The following TBX19 variants were observed in gnomAD, a reference collection of about 807,000 sequenced individuals.
TBX19 encodes T-box transcription factor 19, also known as T-box transcription factor TBX19.
TBX19 carries 33 observed loss-of-function variants against 40.9 expected under a neutral mutation model. The ratio of observed to expected loss-of-function variants is 0.81; its 90% CI spans 0.61 to 1.08. The LOEUF is 1.08. TBX19 is among the 50% of genes least tolerant of loss of function. TBX19 has a pLI of 0.00. For missense variants in TBX19, 494 were observed against 574.0 expected, an observed-to-expected ratio of 0.86 and a Z score of 1.42; for synonymous variants, 220 against 225.0, an observed-to-expected ratio of 0.98 and a Z score of 0.20.
At position 168,312,910 on chromosome 1, in the gene TBX19, T is replaced by TC; in HGVS notation, c.1257dup (p.Thr420HisfsTer54). The stretch of plus-strand genomic sequence containing the variant: ...GCCCTCGCTAACCAGCATTGCTGTG[T>TC]CCACCTGGACAGCAGTGGCCTCGCA... On this transcript the variant is annotated frameshift_variant, in exon 8 of 8. Transcript: ENST00000367821. LOFTEE classifies it high-confidence loss of function. 1 of 1,614,238 alleles carries TC rather than the reference T, an allele frequency of 6.2e-7. No homozygotes were observed. Among genetic ancestry groups the TC allele is most frequent in the Non-Finnish European group, 8.5e-7 (1 of 1,180,036 alleles).
chr1:168,286,039 A>G (rs958243826), intron 1 of TBX19, among the ~76,000 whole-genome samples: 13 of 152,248 alleles, frequency 8.5e-5, no homozygotes, highest in Admixed American at 2.0e-4. Context: ...GTATTAAAAA[A>G]TGTATTAAAA....
At chr1:168,299,826 A>C (rs534768175) in intron 4 of TBX19, among the ~76,000 whole-genome samples, 1 of 152,338 alleles carries the variant, frequency 6.6e-6, no homozygotes, top group African/African-American at 2.4e-5. Context: ...TAACGTTTTC[A>C]GTTAACAAAA....
intron 1 of TBX19, among the ~76,000 whole-genome samples, chr1:168,290,221 C>G (rs578003455): frequency 6.6e-5 from 10 of 152,156 alleles, no homozygotes; most frequent in Non-Finnish European, 1.3e-4. Context: ...TGAAAATGCT[C>G]TAGACTTATA....
At chr1:168,305,470 C>T (rs565330178) in intron 6 of TBX19, among the ~76,000 whole-genome samples, 14 of 152,316 alleles carry the variant, frequency 9.2e-5, no homozygotes, top group African/African-American at 3.4e-4. Context: ...GGCCAGGACA[C>T]TGATATTCTG....
intron 2 of TBX19, among the ~76,000 whole-genome samples, chr1:168,292,799 GC>G (rs1648975495): frequency 6.7e-6 from 1 of 149,450 alleles, no homozygotes; most frequent in African/African-American, 2.5e-5. Context: ...GGGAGGCGGA[GC>G]TTGCAGTGAG....
intron 7 of TBX19, 92 bp from the exon 8 acceptor site, chr1:168,312,616 C>T: frequency 3.5e-6 from 5 of 1,440,966 alleles, no homozygotes; most frequent in South Asian, 1.1e-5. Flanking sequence ...GTAACCATGC[C>T]CTTCTCAGCA....
At position 168,311,265 on chromosome 1, in the gene TBX19, A is replaced by G. The variant is rs375122952; in HGVS notation, c.1053-1443A>G. ...AAGTCATCTGTAGTACTCAAAGACA[A>G]CTATAAGGCAGGTATTAAAATTCCT... On this transcript the variant is annotated intron_variant, in intron 7 of 7. Coordinates refer to ENST00000367821, the MANE Select transcript of TBX19 (RefSeq NM_005149.3). Among the ~76,000 whole-genome samples, 5 of 152,180 alleles carry G rather than the reference A, an allele frequency of 3.3e-5. No homozygotes were observed. In the East Asian group the frequency reaches 7.7e-4, roughly 23 times the overall value.
In TBX19 at chr1:168,312,710, C is replaced by G. The variant is rs772611069; in HGVS notation, c.1055C>G (p.Pro352Arg). The G allele has an allele frequency of 1.2e-6, 2 of 1,612,144 alleles. No homozygotes were observed. Among genetic ancestry groups the G allele is most frequent in the Admixed American group, 1.7e-5 (1 of 60,026 alleles). The change falls in exon 8 of 8, where the codon CCC (proline) becomes CGC (arginine). Residue 352 changes from proline to arginine, a missense_variant and splice_region_variant. Around this residue, in one of 3 missense-constraint regions of TBX19, gnomAD observed 284 missense variants for 307.3 expected, o/e 0.92. Transcript: ENST00000367821. ...TNGPINPGPS[P>R]YPCLWTISNG... ...CCCCTCTTTCTCTGTCTCTGCAGCCCCTACCCGTGCCTGTGGACCATCAGC... is the reference window on the plus strand; with the variant it reads ...CCCCTCTTTCTCTGTCTCTGCAGCCGCTACCCGTGCCTGTGGACCATCAGC...
chr1:168,300,968 G>A (rs141623752), intron 5 of TBX19, among the ~76,000 whole-genome samples: 2 of 152,284 alleles, frequency 1.3e-5, no homozygotes, highest in African/African-American at 2.4e-5. Flanking sequence ...TAATATAGCT[G>A]GGATTCTGAA....
intron 7 of TBX19, among the ~76,000 whole-genome samples, chr1:168,309,536 C>T (rs187426634): frequency 2.0e-5 from 3 of 152,212 alleles, no homozygotes; most frequent in Non-Finnish European, 4.4e-5. Context: ...GAAGTCAAGA[C>T]CCATGATTGT....
At position 168,291,035 on chromosome 1, in the gene TBX19, G is replaced by A. The variant is rs186950511; in HGVS notation, c.204-125G>A. 170 of 1,225,072 alleles carry A rather than the reference G, an allele frequency of 1.4e-4. No individual in the cohort carries two copies. The East Asian group carries it at 3.0e-3, about 22-fold the overall frequency. The allele number at this position is 1,225,072 out of a possible 1,614,324, so 75.9% of individuals were successfully genotyped here. A position where few individuals can be genotyped will look rare whatever the true frequency, so the allele number is the denominator to read the frequency against. ...CAGTAGAATTGGGGTTGTGGACTTG[G>A]GCCCTGTTTATTTGGCCTCCTCACA... On this transcript the variant is annotated intron_variant, in intron 1 of 7. Coordinates refer to ENST00000367821, the MANE Select transcript of TBX19 (RefSeq NM_005149.3).
chr1:168,306,701 G>A (rs898129685), intron 6 of TBX19, among the ~76,000 whole-genome samples: 7 of 145,862 alleles, frequency 4.8e-5, no homozygotes, highest in Non-Finnish European at 9.1e-5. Flanking sequence ...CGTAAATAAT[G>A]AATCCTAATG....
At position 168,309,473 on chromosome 1, in the gene TBX19, A is replaced by G. The variant is rs1303589367; in HGVS notation, c.1052+596A>G. On this transcript the variant is annotated intron_variant, in intron 7 of 7. Transcript: ENST00000367821. ...AATACTTTAAACTATGGTGGTAGCA[A>G]ATAGATACTGACTGTAGAGGAATTG... Among the ~76,000 whole-genome samples, 3 of 152,380 alleles carry G rather than the reference A, an allele frequency of 2.0e-5. No individual in the cohort carries two copies. In the East Asian group the frequency reaches 5.8e-4, roughly 29 times the overall value.
intron 2 of TBX19, among the ~76,000 whole-genome samples, chr1:168,291,702 C>G (rs1648948882): frequency 6.6e-6 from 1 of 152,110 alleles, no homozygotes; most frequent in African/African-American, 2.4e-5. Context: ...GTGTGCTGTG[C>G]TTTTTACCCA....
intron 1 of TBX19, among the ~76,000 whole-genome samples, chr1:168,285,552 C>T (rs1418873145): frequency 1.3e-5 from 2 of 152,170 alleles, no homozygotes; most frequent in Non-Finnish European, 2.9e-5. Flanking sequence ...ATAATAAAAG[C>T]CCAACAGTTT....
At position 168,314,274 on chromosome 1, in the gene TBX19, G is replaced by A. The variant is rs1041260263; in HGVS notation, c.*1272G>A. On this transcript the variant is annotated 3_prime_UTR_variant, in exon 8 of 8. Transcript: ENST00000367821. Reference sequence around the variant, plus strand: ...TCTGCCATAGAGCTCACCTCATTTTGCCTTGTATTTTTGTTACCTGTGAGT... The same window carrying A: ...TCTGCCATAGAGCTCACCTCATTTTACCTTGTATTTTTGTTACCTGTGAGT... 2 of 152,768 alleles carry A rather than the reference G, an allele frequency of 1.3e-5. No individual in the cohort carries two copies. Among genetic ancestry groups the A allele is most frequent in the Non-Finnish European group, 2.9e-5 (2 of 68,154 alleles). The allele number at this position is 152,768 out of a possible 1,614,324, so 9.5% of individuals were successfully genotyped here.
intron 4 of TBX19, among the ~76,000 whole-genome samples, chr1:168,300,172 A>G (rs1437356855): frequency 6.6e-6 from 1 of 152,160 alleles, no homozygotes; most frequent in East Asian, 1.9e-4. Flanking sequence ...TCAGATCAAA[A>G]TAAACAGGGA....
intron 5 of TBX19, among the ~76,000 whole-genome samples, chr1:168,303,624 C>T (rs1649329819): frequency 6.6e-6 from 1 of 152,142 alleles, no homozygotes; most frequent in African/African-American, 2.4e-5. Flanking sequence ...AAAAGAATGG[C>T]TACTTCATAG....
intron 3 of TBX19, among the ~76,000 whole-genome samples, chr1:168,297,374 A>C (rs966390789): frequency 6.6e-6 from 1 of 152,252 alleles, no homozygotes; most frequent in African/African-American, 2.4e-5. Context: ...GAAAAAAATA[A>C]ATACATGAGT....
Sources: gnomAD v4.1 joint callset for allele counts (sites outside exome capture counted in the v4.1 genomes callset) on GRCh38, gnomAD v4.1.1 for gene constraint, gnomAD v4.1.1 regional missense constraint, MANE v1.5 for transcripts, NCBI Gene and HGNC (gene_info 2026-07-23, HGNC 2026-07-21) for gene names.